The following CREB3L1 variants were observed in gnomAD, a reference collection of about 807,000 sequenced individuals.
CREB3L1 encodes cyclic AMP-responsive element-binding protein 3-like protein 1.
CREB3L1 carries 33 observed loss-of-function variants against 54.5 expected under a neutral mutation model. The observed-to-expected ratio is 0.61, with a 90% CI of 0.46 to 0.81. The LOEUF (loss-of-function observed/expected upper bound fraction) is 0.81, where lower values mean the gene tolerates loss of function less well. Among genes scored for constraint, CREB3L1 ranks in the 30% least tolerant of loss-of-function variants. The pLI, the probability that CREB3L1 is intolerant of heterozygous loss-of-function variation, is 0.00. For synonymous variants in CREB3L1, 284 were observed against 286.4 expected, an observed-to-expected ratio of 0.99 and a Z score of 0.08; for missense variants, 656 against 673.3, an observed-to-expected ratio of 0.97 and a Z score of 0.29.
intron 10 of CREB3L1, among the ~76,000 whole-genome samples, chr11:46,318,933 C>T (rs1939606457): frequency 6.6e-6 from 1 of 152,104 alleles, no homozygotes; most frequent in South Asian, 2.1e-4. Context: ...GTGAAAGCTC[C>T]TCCCCGGACA....
intron 1 of CREB3L1, among the ~76,000 whole-genome samples, chr11:46,289,280 G>A (rs1238441194): frequency 6.6e-6 from 1 of 152,206 alleles, no homozygotes; most frequent in Non-Finnish European, 1.5e-5. Context: ...TTGAGAGGCT[G>A]AGGCAGGAGA....
chr11:46,310,346 C>T (rs1939465596), intron 4 of CREB3L1, among the ~76,000 whole-genome samples: 1 of 152,164 alleles, frequency 6.6e-6, no homozygotes, highest in African/African-American at 2.4e-5. Context: ...CAGCTCACTG[C>T]AACCTCCCCA....
intron 1 of CREB3L1, among the ~76,000 whole-genome samples, chr11:46,287,862 G>C (rs181085312): frequency 3.4e-4 from 51 of 151,572 alleles, no homozygotes; most frequent in African/African-American, 1.1e-3. Flanking sequence ...TGTAATCCCA[G>C]CTACTCAGGA....
intron 1 of CREB3L1, among the ~76,000 whole-genome samples, chr11:46,296,597 C>T (rs1939214485): frequency 6.6e-6 from 1 of 152,194 alleles, no homozygotes; most frequent in Admixed American, 6.5e-5. Context: ...GGAACTAGGG[C>T]CGCAGAGCGC....
chr11:46,315,660 T>C (rs564208249), intron 8 of CREB3L1: 18 of 178,880 alleles, frequency 1.0e-4, no homozygotes, highest in South Asian at 2.0e-4. Context: ...CCGTCTCTAC[T>C]AAAAATACAA....
At chr11:46,288,147 A>ATT (rs1939082488) in intron 1 of CREB3L1, among the ~76,000 whole-genome samples, 1 of 151,314 alleles carries the variant, frequency 6.6e-6, no homozygotes, top group Non-Finnish European at 1.5e-5. Context: ...CAATGGCGCG[A>ATT]CCTCCACTCA....
At chr11:46,318,369 G>T (rs764212504) in intron 10 of CREB3L1, among the ~76,000 whole-genome samples, 12 of 152,306 alleles carry the variant, frequency 7.9e-5, no homozygotes, top group Middle Eastern at 3.4e-3. Context: ...AACGTACAGT[G>T]GTTAGGAGCA....
At chr11:46,311,210 T>A in intron 5 of CREB3L1, 21 bp downstream of exon 5, 1 of 1,533,016 alleles carries the variant, frequency 6.5e-7, no homozygotes, top group Non-Finnish European at 8.7e-7. Context: ...GGGGGTGGGC[T>A]GATCCCAGAA....
rs202048852 is a variant in CREB3L1 at position 46,299,366 on chromosome 11, G to A, written c.103-569G>A. ...GAGAGACCCCGAAGTCTTGAGGACA[G>A]ATGGACACTGTGCTGCTGAGGAGAC... On this transcript the variant is annotated intron_variant, in intron 1 of 11. Transcript: ENST00000621158. Among the ~76,000 whole-genome samples, 3 of 152,204 alleles carry A rather than the reference G, an allele frequency of 2.0e-5. No homozygotes were observed. In the East Asian group the frequency reaches 5.8e-4, roughly 29 times the overall value.
chr11:46,312,455 G>T lies in CREB3L1; in HGVS notation c.884G>T (p.Arg295Leu), dbSNP rs749140671. Residue 295 changes from arginine to leucine, a missense_variant, in exon 6 of 12, where the codon CGG (arginine) becomes CTG (leucine). Transcript: ENST00000621158. ...KAEEKALKRVRRKIKNKISAQ... is the reference protein window; with the variant it reads ...KAEEKALKRVLRKIKNKISAQ... ...GAGGAGAAGGCCTTGAAGAGAGTCC[G>T]GAGGAAAATCAAGAACAAGGTAAAG... 6.2e-7 allele frequency: 1 copy of T among 1,613,584 alleles called. No individual in the cohort carries two copies. Among genetic ancestry groups the T allele is most frequent in the Non-Finnish European group, 8.5e-7 (1 of 1,179,732 alleles).
intron 1 of CREB3L1, among the ~76,000 whole-genome samples, chr11:46,294,929 C>T (rs72910045): frequency 0.028 from 4,226 of 152,134 alleles, 91 homozygotes; most frequent in Middle Eastern, 0.088. Flanking sequence ...CCCATCTCTC[C>T]CTAGCTCTCA....
In CREB3L1 at chr11:46,288,853, CT is replaced by C. The variant is rs763354397; in HGVS notation, c.102+10641del. Among the ~76,000 whole-genome samples, 32 of 152,314 alleles carry C rather than the reference CT, an allele frequency of 2.1e-4. 1 individual carries two copies. Among genetic ancestry groups the C allele is most frequent in the Admixed American group, 9.8e-4 (15 of 15,296 alleles). ...GTTCAAATCCCCGCTTGACCACTTG[CT>C]AACTGAATGAACCTGGGCAAGCTGC... On this transcript the variant is annotated intron_variant, in intron 1 of 11. Coordinates refer to ENST00000621158, the MANE Select transcript of CREB3L1 (RefSeq NM_052854.4).
Position 46,320,712 on chromosome 11 carries a change from A to G in CREB3L1, c.1526A>G (p.Asp509Gly), listed in dbSNP as rs1939637636. The G allele has an allele frequency of 6.2e-7, 1 of 1,611,852 alleles. No individual in the cohort carries two copies. The highest frequency in any genetic ancestry group is 1.7e-5 in the Admixed American group (1 of 59,792). ...SHSKEWFHDRDLGPNTTIKLS is the reference protein window; with the variant it reads ...SHSKEWFHDRGLGPNTTIKLS ...GCTGGCCTCTCTTCTCTCTCCAGGGATCTGGGCCCCAACACCACCATCAAA... is the reference window on the plus strand; with the variant it reads ...GCTGGCCTCTCTTCTCTCTCCAGGGGTCTGGGCCCCAACACCACCATCAAA... Residue 509 changes from aspartate (D) to glycine (G), a missense_variant and splice_region_variant, in exon 12 of 12, where the codon GAT becomes GGT. Coordinates refer to ENST00000621158, the MANE Select transcript of CREB3L1 (RefSeq NM_052854.4).
In CREB3L1 at chr11:46,278,515, C is replaced by T. The variant is rs533813617; in HGVS notation, c.102+302C>T. The stretch of plus-strand genomic sequence containing the variant: ...CCTCCACCCACGTCTTCTAGCCGTC[C>T]CCAACCCACCCCAGGTTCCAGGACC... On this transcript the variant is annotated intron_variant, in intron 1 of 11. Transcript: ENST00000621158. This position sits in a 1 kb window ranked among gnomAD's most constrained non-coding sequence, Gnocchi z 4.2. Among the ~76,000 whole-genome samples the T allele has an allele frequency of 6.6e-6, 1 of 152,352 alleles. No homozygotes were observed. Among genetic ancestry groups the T allele is most frequent in the Admixed American group, 6.5e-5 (1 of 15,306 alleles).
Position 46,307,896 on chromosome 11 carries a change from G to A in CREB3L1, c.412G>A (p.Val138Met), listed in dbSNP as rs375217169. ...VKQEQSPELP[V>M]DPLAAPSAMA... is the part of the protein sequence containing the mutation. Reference sequence around the variant, plus strand: ...GCAGGAGCAGAGCCCGGAGCTGCCCGTGGACCCTCTGGCTGCCCCCTCGGC... The same window carrying A: ...GCAGGAGCAGAGCCCGGAGCTGCCCATGGACCCTCTGGCTGCCCCCTCGGC... The change falls in exon 3 of 12, where the codon GTG (valine) becomes ATG (methionine). Residue 138 changes from valine to methionine, a missense_variant. By Grantham distance (21) the Val-to-Met change is conservative. Coordinates refer to ENST00000621158, the MANE Select transcript of CREB3L1 (RefSeq NM_052854.4). 16 of 1,580,630 alleles carry A rather than the reference G, an allele frequency of 1.0e-5. No homozygotes were observed. Among genetic ancestry groups the A allele is most frequent in the Admixed American group, 3.6e-5 (2 of 55,606 alleles).
rs1371060257 is a variant in CREB3L1 at position 46,312,634 on chromosome 11, G to A, written c.926G>A (p.Arg309His). 3 of 1,610,670 alleles carry A rather than the reference G, an allele frequency of 1.9e-6. No homozygotes were observed. Among genetic ancestry groups the A allele is most frequent in the African/African-American group, 1.3e-5 (1 of 74,866 alleles). The change falls in exon 7 of 12, where the codon CGT becomes CAT. Residue 309 changes from arginine (R) to histidine (H), a missense_variant. Arg to His is a conservative substitution (Grantham distance 29). Around this residue, in one of 3 missense-constraint regions of CREB3L1, gnomAD observed 77 missense variants for 122.0 expected, o/e 0.63. Transcript: ENST00000621158. ...TAGATCTCAGCCCAGGAGAGCCGTC[G>A]TAAGAAGAAGGAGTATGTGGAGTGT... ...KNKISAQESR[R>H]KKKEYVECLE...
At chr11:46,284,230 G>A (rs1202296226) in intron 1 of CREB3L1, among the ~76,000 whole-genome samples, 1 of 152,144 alleles carries the variant, frequency 6.6e-6, no homozygotes, top group Admixed American at 6.5e-5. Flanking sequence ...ACCATGGTGG[G>A]CGCCATGATG....
At chr11:46,318,254 T>C (rs1041041873) in intron 10 of CREB3L1, among the ~76,000 whole-genome samples, 1 of 151,530 alleles carries the variant, frequency 6.6e-6, no homozygotes, top group Non-Finnish European at 1.5e-5. Context: ...CCATTCAGAA[T>C]TGACAGGAAG....
intron 9 of CREB3L1, among the ~76,000 whole-genome samples, chr11:46,317,037 C>A (rs1040987320): frequency 1.3e-5 from 2 of 152,182 alleles, no homozygotes; most frequent in African/African-American, 4.8e-5. Flanking sequence ...TCGTCCCAGC[C>A]CCAAGCCCCA....
Sources: allele counts gnomAD v4.1 joint callset (sites outside exome capture counted in the v4.1 genomes callset), GRCh38; gene constraint gnomAD v4.1.1; regional missense constraint gnomAD v4.1.1; non-coding constraint Gnocchi (gnomAD v3.1); transcripts MANE v1.5; gene names NCBI Gene and HGNC (gene_info 2026-07-23, HGNC 2026-07-21).